Variants in VPS37C observed in about 807,000 individuals in gnomAD.
VPS37C encodes VPS37C subunit of ESCRT-I.
Under a neutral mutation model 16.1 loss-of-function variants are expected in VPS37C, and 9 were observed. The observed-to-expected ratio is 0.56, with a 90% confidence interval of 0.34 to 0.97. The LOEUF (loss-of-function observed/expected upper bound fraction) is 0.97. Ranked by LOEUF, VPS37C falls within the 50% of genes least tolerant of loss-of-function variation. VPS37C has a pLI of 0.02. For synonymous variants in VPS37C, 207 were observed against 206.4 expected (o/e 1.00, Z -0.02); for missense variants, 479 against 472.7 (o/e 1.01, Z -0.12).
At chr11:61,156,919 C>G in intron 1 of VPS37C, among the ~76,000 whole-genome samples, 1 of 152,196 alleles carries the variant, frequency 6.6e-6, no homozygotes. Context: ...CTTCTGGCAA[C>G]CACCATTCCA....
intron 1 of VPS37C, among the ~76,000 whole-genome samples, chr11:61,150,479 A>G (rs1853280921): frequency 6.6e-6 from 1 of 150,954 alleles, no homozygotes; most frequent in Non-Finnish European, 1.5e-5. Flanking sequence ...ACCAGTCTGG[A>G]CAAGACACCT....
chr11:61,156,571 G>A (rs991660673), intron 1 of VPS37C, among the ~76,000 whole-genome samples: 1 of 151,906 alleles, frequency 6.6e-6, no homozygotes, highest in African/African-American at 2.4e-5. Flanking sequence ...GGCAACAGAA[G>A]GAGACTCTGT....
chr11:61,132,608 C>G (rs1786429742), intron 4 of VPS37C, 69 bp from the exon 5 acceptor site: 1 of 1,514,316 alleles, frequency 6.6e-7, no homozygotes. Flanking sequence ...TCCCCAGGGT[C>G]TGAGTTCAGC....
At chr11:61,153,558 G>A (rs1024483776) in intron 1 of VPS37C, among the ~76,000 whole-genome samples, 1 of 152,122 alleles carries the variant, frequency 6.6e-6, no homozygotes, top group Admixed American at 6.5e-5. Flanking sequence ...TTATTCTCCT[G>A]CCACAAAAAA....
At chr11:61,152,139 A>G (rs572291752) in intron 1 of VPS37C, among the ~76,000 whole-genome samples, 50 of 152,270 alleles carry the variant, frequency 3.3e-4, no homozygotes, top group Middle Eastern at 3.4e-3. Flanking sequence ...AGGAGTGTGC[A>G]CCGGTCATGC....
chr11:61,133,607 C>T (rs148783325), intron 3 of VPS37C, among the ~76,000 whole-genome samples: 59 of 152,316 alleles, frequency 3.9e-4, no homozygotes, highest in African/African-American at 1.4e-3. Context: ...CCAACTGACC[C>T]AGTTCTGCCT....
chr11:61,150,356 C>G (rs572494647), intron 1 of VPS37C, among the ~76,000 whole-genome samples: 2 of 152,096 alleles, frequency 1.3e-5, no homozygotes, highest in South Asian at 4.1e-4. Flanking sequence ...CCAGGCTCCC[C>G]GGATGAATGT....
Position 61,134,213 on chromosome 11 carries a change from A to T in VPS37C, c.94-6T>A, listed in dbSNP as rs200615985. On this transcript the variant is annotated splice_region_variant and splice_polypyrimidine_tract_variant and intron_variant, in intron 2 of 4. Coordinates refer to ENST00000301765, the MANE Select transcript of VPS37C (RefSeq NM_017966.5). ...TCCAGCTGTAGGTCCTGGACCTAAA[A>T]GGGCAGGACAACAGAACCTAAGGAA... 1.2e-3 allele frequency: 1,862 copies of T among 1,607,154 alleles called. No individual in the cohort carries two copies. Among genetic ancestry groups the T allele is most frequent in the Non-Finnish European group, 1.5e-3 (1,802 of 1,174,808 alleles).
intron 2 of VPS37C, among the ~76,000 whole-genome samples, chr11:61,136,065 T>C (rs1314850209): frequency 6.6e-6 from 1 of 152,136 alleles, no homozygotes; most frequent in Non-Finnish European, 1.5e-5. Flanking sequence ...GTATTGTATA[T>C]TTCAAAGTAG....
intron 1 of VPS37C, 137 bp from the exon 2 acceptor site, chr11:61,138,972 G>A: frequency 3.8e-6 from 3 of 784,698 alleles, no homozygotes; most frequent in Non-Finnish European, 6.3e-6. Context: ...CTCGAGGAGA[G>A]GCAGAAATCT....
intron 4 of VPS37C, chr11:61,132,846 A>ATAT (rs1309129484): frequency 5.5e-6 from 3 of 549,330 alleles, no homozygotes; most frequent in Non-Finnish European, 9.8e-6. Context: ...GATGAGCACT[A>ATAT]GCCCAGGGAC....
At chr11:61,143,665 C>CTT (rs765152233) in intron 1 of VPS37C, 4 of 141,408 alleles carry the variant, frequency 2.8e-5, no homozygotes, top group South Asian at 2.2e-4. Flanking sequence ...CCAGCCAATT[C>CTT]TTTTTTTTTT....
At chr11:61,152,282 G>A (rs519296) in intron 1 of VPS37C, among the ~76,000 whole-genome samples, 107,179 of 152,106 alleles carry the variant, frequency 0.7, 38,551 homozygotes, top group East Asian at 1. Context: ...CAGAACTTCC[G>A]GGTCCAGTGG....
intron 1 of VPS37C, among the ~76,000 whole-genome samples, chr11:61,155,106 A>C (rs1485377827): frequency 1.4e-4 from 2 of 14,208 alleles, no homozygotes; most frequent in Non-Finnish European, 2.0e-4. Flanking sequence ...TCTGTCTCCA[A>C]AAAAAAAAAA....
chr11:61,138,766 T>G lies in VPS37C; in HGVS notation c.64A>C (p.Ile22Leu). The change falls in exon 2 of 5, where the codon ATT becomes CTT. Residue 22 changes from isoleucine (I) to leucine (L), a missense_variant. Transcript: ENST00000301765. Reference sequence around the variant, plus strand: ...GGGGACTCCAGGGCCAGCTGGTCAATCGCCTCCGAGTCATTCTGCAACTCC... The same window carrying G: ...GGGGACTCCAGGGCCAGCTGGTCAAGCGCCTCCGAGTCATTCTGCAACTCC... ...LEELQNDSEA[I>L]DQLALESPEV... 6.2e-7 allele frequency: 1 copy of G among 1,614,094 alleles called. No homozygotes were observed. The highest frequency in any genetic ancestry group is 1.6e-4 in the Middle Eastern group (1 of 6,062).
At position 61,132,343 on chromosome 11, in the gene VPS37C, A is replaced by T. The variant is rs2232142; in HGVS notation, c.545T>A (p.Val182Asp). ...PPRPPPPVRP[V>D]PQGTPPVVEE... ...AACCACAGGGGGTGTTCCCTGGGGG[A>T]CTGGGCGCACCGGGGGTGGTGGACG... The change falls in exon 5 of 5, where the codon GTC becomes GAC. Residue 182 changes from valine (V) to aspartate (D), a missense_variant. Physicochemically the swap from Val to Asp is radical, Grantham distance 152. Coordinates refer to ENST00000301765, the MANE Select transcript of VPS37C (RefSeq NM_017966.5). The T allele has an allele frequency of 0.081, 130,288 of 1,598,914 alleles. 5,878 individuals carry two copies. Among genetic ancestry groups the T allele is most frequent in the Non-Finnish European group, 0.092 (108,294 of 1,172,466 alleles).
At chr11:61,133,553 A>G (rs1028790430) in intron 3 of VPS37C, among the ~76,000 whole-genome samples, 2 of 152,066 alleles carry the variant, frequency 1.3e-5, no homozygotes, top group East Asian at 3.9e-4. Context: ...GGCCAAGCCT[A>G]CCCTACGCCA....
intron 1 of VPS37C, among the ~76,000 whole-genome samples, chr11:61,157,720 C>A (rs1042640559): frequency 6.6e-6 from 1 of 152,144 alleles, no homozygotes; most frequent in African/African-American, 2.4e-5. Context: ...TTTCCGGGGG[C>A]TAAAAGGGTC....
chr11:61,146,588 G>A (rs965584598), intron 1 of VPS37C, among the ~76,000 whole-genome samples: 6 of 152,206 alleles, frequency 3.9e-5, no homozygotes, highest in African/African-American at 4.8e-5. Context: ...AGGGGAGGAG[G>A]AGGGAGGGCT....
Sources: gnomAD v4.1 joint callset for allele counts (sites outside exome capture counted in the v4.1 genomes callset) on GRCh38, gnomAD v4.1.1 for gene constraint, MANE v1.5 for transcripts, NCBI Gene and HGNC (gene_info 2026-07-23, HGNC 2026-07-21) for gene names.